Variants in KCNIP4 observed in about 807,000 individuals in gnomAD.
The protein encoded by KCNIP4 is Kv channel-interacting protein 4.
In KCNIP4, 12 loss-of-function variants were observed where a neutral mutation model predicts 34.0. That is an observed-to-expected ratio of 0.35 (90% CI 0.23 to 0.57). The LOEUF is 0.57. Among genes scored for constraint, KCNIP4 ranks in the 20% least tolerant of loss-of-function variants. KCNIP4 has a pLI of 0.83. For synonymous variants in KCNIP4, 124 were observed against 102.2 expected, an observed-to-expected ratio of 1.21 and a Z score of -1.29; for missense variants, 238 against 311.7, an observed-to-expected ratio of 0.76 and a Z score of 1.78.
intron 1 of KCNIP4, among the ~76,000 whole-genome samples, chr4:21,872,755 A>C (rs1725890377): frequency 6.6e-6 from 1 of 152,170 alleles, no homozygotes; most frequent in African/African-American, 2.4e-5. Context: ...GCCTGAAGAG[A>C]TGTACTGGCA....
chr4:21,108,423 T>C (rs1370230860), intron 1 of KCNIP4, among the ~76,000 whole-genome samples: 5 of 151,718 alleles, frequency 3.3e-5, no homozygotes, highest in Non-Finnish European at 7.3e-5. Context: ...TTCACGTAGT[T>C]CTCGAGCCTT....
intron 1 of KCNIP4, among the ~76,000 whole-genome samples, chr4:20,949,533 A>G (rs1732548429): frequency 6.6e-6 from 1 of 152,110 alleles, no homozygotes; most frequent in South Asian, 2.1e-4. Context: ...ACTATAAATC[A>G]TGCTGCTATA....
intron 1 of KCNIP4, among the ~76,000 whole-genome samples, chr4:21,180,527 T>C (rs998096891): frequency 6.6e-6 from 1 of 151,860 alleles, no homozygotes. Context: ...TATAAATTAA[T>C]CATTTTGGAG....
chr4:20,995,898 C>T (rs1737510899), intron 1 of KCNIP4, among the ~76,000 whole-genome samples: 1 of 152,098 alleles, frequency 6.6e-6, no homozygotes, highest in South Asian at 2.1e-4. Context: ...ACATAAGTTA[C>T]TAAGTCCAAG....
At chr4:21,678,631 A>G (rs1403752333) in intron 1 of KCNIP4, among the ~76,000 whole-genome samples, 2 of 152,168 alleles carry the variant, frequency 1.3e-5, no homozygotes, top group Non-Finnish European at 2.9e-5. Flanking sequence ...TCTTGAACAC[A>G]TGGAACACAG....
At chr4:21,503,507 A>C (rs1733537288) in intron 1 of KCNIP4, among the ~76,000 whole-genome samples, 1 of 152,216 alleles carries the variant, frequency 6.6e-6, no homozygotes, top group South Asian at 2.1e-4. Flanking sequence ...TAAAAATATC[A>C]AGTATGAAGA....
At chr4:21,121,807 G>C (rs1750181389) in intron 1 of KCNIP4, among the ~76,000 whole-genome samples, 1 of 152,226 alleles carries the variant, frequency 6.6e-6, no homozygotes. Flanking sequence ...AAAATAAAAG[G>C]ACCCCATGCA....
At chr4:21,221,804 C>G (rs1181936094) in intron 1 of KCNIP4, among the ~76,000 whole-genome samples, 2 of 152,122 alleles carry the variant, frequency 1.3e-5, no homozygotes, top group Non-Finnish European at 2.9e-5. Context: ...GAAAAGGGCT[C>G]AGAGAAATAA....
intron 1 of KCNIP4, among the ~76,000 whole-genome samples, chr4:21,643,857 GTGA>G (rs60573044): frequency 0.11 from 16,093 of 147,000 alleles, 1,051 homozygotes; most frequent in African/African-American, 0.18. Context: ...TGATAGATAG[GTGA>G]TGATGATGAT....
chr4:21,733,442 C>T (rs753520947), intron 1 of KCNIP4, among the ~76,000 whole-genome samples: 2 of 152,170 alleles, frequency 1.3e-5, no homozygotes, highest in African/African-American at 2.4e-5. Flanking sequence ...GATACACACA[C>T]ACATATACGC....
chr4:21,639,521 CTTCA>C (rs1264285447), intron 1 of KCNIP4, among the ~76,000 whole-genome samples: 11 of 152,030 alleles, frequency 7.2e-5, no homozygotes, highest in Admixed American at 5.2e-4. Flanking sequence ...TGGAGGTCTC[CTTCA>C]TTAACTAGAC....
At chr4:21,066,552 A>G (rs1239968403) in intron 1 of KCNIP4, among the ~76,000 whole-genome samples, 2 of 142,154 alleles carry the variant, frequency 1.4e-5, no homozygotes, top group East Asian at 2.3e-4. Context: ...ATGTATTGCC[A>G]TGCGGCACTG....
At chr4:21,419,503 CATAA>C (rs1342598127) in intron 1 of KCNIP4, among the ~76,000 whole-genome samples, 1 of 151,944 alleles carries the variant, frequency 6.6e-6, no homozygotes, top group Non-Finnish European at 1.5e-5. Context: ...CCACCTATAA[CATAA>C]ATAATAATAT....
At chr4:21,054,707 CAAAA>C (rs34366909) in intron 1 of KCNIP4, among the ~76,000 whole-genome samples, 2 of 86,180 alleles carry the variant, frequency 2.3e-5, no homozygotes, top group Admixed American at 1.3e-4. Flanking sequence ...TACTCACATG[CAAAA>C]AAAAAAAAAA....
chr4:20,899,679 G>A (rs73242553), intron 1 of KCNIP4, among the ~76,000 whole-genome samples: 3,820 of 152,248 alleles, frequency 0.025, 71 homozygotes, highest in Non-Finnish European at 0.041. Flanking sequence ...TGTTACATTT[G>A]TCAAGAATTT....
At chr4:21,102,934 G>A (rs1326809118) in intron 1 of KCNIP4, among the ~76,000 whole-genome samples, 1 of 152,112 alleles carries the variant, frequency 6.6e-6, no homozygotes, top group African/African-American at 2.4e-5. Flanking sequence ...TCTGAAAAAT[G>A]TGAGTCAAAC....
At chr4:21,235,515 T>C (rs1321114377) in intron 1 of KCNIP4, among the ~76,000 whole-genome samples, 1 of 152,206 alleles carries the variant, frequency 6.6e-6, no homozygotes, top group East Asian at 1.9e-4. Context: ...TGCTTCTTCA[T>C]TGTGTTCAAG....
At chr4:21,107,737 C>T (rs1438596090) in intron 1 of KCNIP4, among the ~76,000 whole-genome samples, 1 of 151,572 alleles carries the variant, frequency 6.6e-6, no homozygotes, top group African/African-American at 2.4e-5. Context: ...GTGGCTGGTA[C>T]CAGTTGATCC....
At chr4:21,120,873 A>G (rs915340406) in intron 1 of KCNIP4, among the ~76,000 whole-genome samples, 15 of 152,130 alleles carry the variant, frequency 9.9e-5, no homozygotes, top group African/African-American at 3.1e-4. Flanking sequence ...CTTACATACA[A>G]GTTTGAAGAG....
Sources: gnomAD v4.1 joint callset for allele counts (sites outside exome capture counted in the v4.1 genomes callset) on GRCh38, gnomAD v4.1.1 for gene constraint, MANE v1.5 for transcripts, NCBI Gene and HGNC (gene_info 2026-07-23, HGNC 2026-07-21) for gene names.